ROBO2: variants seen among roughly 807,000 people sequenced by gnomAD.
ROBO2 encodes the protein roundabout guidance receptor 2.
In ROBO2, 53 loss-of-function variants were observed where a neutral mutation model predicts 160.8. That is an observed-to-expected ratio of 0.33 (90% CI 0.26 to 0.41). The LOEUF (loss-of-function observed/expected upper bound fraction) is 0.41, where lower values mean the gene tolerates loss of function less well. Among genes scored for constraint, ROBO2 ranks in the 10% least tolerant of loss-of-function variants. The pLI, the probability that ROBO2 is intolerant of heterozygous loss-of-function variation, is 1.00. For synonymous variants in ROBO2, 664 were observed against 611.7 expected (o/e 1.09, Z -1.26); for missense variants, 1,577 against 1,722.4 (o/e 0.92, Z 1.49).
intron 2 of ROBO2, among the ~76,000 whole-genome samples, chr3:76,500,509 A>G (rs552168371): frequency 9.9e-5 from 15 of 152,206 alleles, no homozygotes; most frequent in Non-Finnish European, 1.6e-4. Context: ...CCCTAGGACC[A>G]ACAGCAAGTG....
At chr3:75,959,060 A>C (rs867116705) in intron 2 of ROBO2, among the ~76,000 whole-genome samples, 4 of 151,898 alleles carry the variant, frequency 2.6e-5, no homozygotes, top group Admixed American at 1.3e-4. Context: ...TTTACTTTTA[A>C]ACTTCAAAAT....
intron 2 of ROBO2, among the ~76,000 whole-genome samples, chr3:76,426,428 CA>C (rs1254471228): frequency 1.3e-5 from 2 of 152,030 alleles, no homozygotes; most frequent in Admixed American, 1.3e-4. Context: ...GGAAAGAATA[CA>C]AAAATGATCA....
At chr3:76,196,381 C>T (rs1419236128) in intron 2 of ROBO2, among the ~76,000 whole-genome samples, 1 of 151,966 alleles carries the variant, frequency 6.6e-6, no homozygotes, top group African/African-American at 2.4e-5. Flanking sequence ...TCAGCTGTAC[C>T]TTGGATGAGT....
chr3:76,971,833 C>G (rs2059586568), intron 2 of ROBO2, among the ~76,000 whole-genome samples: 1 of 152,184 alleles, frequency 6.6e-6, no homozygotes. Context: ...TGGTTCTATA[C>G]TAGACCCATT....
At chr3:77,389,222 G>A (rs1156924423) in intron 2 of ROBO2, among the ~76,000 whole-genome samples, 2 of 152,178 alleles carry the variant, frequency 1.3e-5, no homozygotes, top group East Asian at 1.9e-4. Flanking sequence ...GGGATTACAC[G>A]TGTGAGCCAC....
At chr3:76,996,745 T>G (rs574123245) in intron 2 of ROBO2, among the ~76,000 whole-genome samples, 1 of 152,156 alleles carries the variant, frequency 6.6e-6, no homozygotes, top group Non-Finnish European at 1.5e-5. Flanking sequence ...TAAACTATGG[T>G]GGATTTTGAA....
intron 2 of ROBO2, among the ~76,000 whole-genome samples, chr3:77,444,021 T>G (rs967227217): frequency 1.3e-5 from 2 of 152,324 alleles, no homozygotes; most frequent in Non-Finnish European, 2.9e-5. Flanking sequence ...GCCTTACTTC[T>G]TCTCTTCCTG....
chr3:76,266,775 C>T (rs1707124946), intron 2 of ROBO2, among the ~76,000 whole-genome samples: 1 of 152,048 alleles, frequency 6.6e-6, no homozygotes. Flanking sequence ...TTCTGTTTTT[C>T]TACCAAACTT....
chr3:75,924,948 A>T (rs535257025), intron 1 of ROBO2, among the ~76,000 whole-genome samples: 1 of 150,546 alleles, frequency 6.6e-6, no homozygotes, highest in South Asian at 2.2e-4. Context: ...TCGGCCTCCC[A>T]AAGTGCTGGG....
At position 77,546,529 on chromosome 3, in the gene ROBO2, G is replaced by T; in HGVS notation, c.1059+67G>T. ...TCTACTGTCTCTGCTGCTCCTGAAA[G>T]CTTGCCTTGCTTCTCTTGTTCTCAA... On this transcript the variant is annotated intron_variant, in intron 7 of 25. Transcript: ENST00000461745. 4.4e-6 allele frequency: 7 copies of T among 1,575,192 alleles called. No individual in the cohort carries two copies. The Admixed American group carries it at 5.0e-5, about 11-fold the overall frequency.
intron 2 of ROBO2, among the ~76,000 whole-genome samples, chr3:76,101,306 G>A (rs1474882975): frequency 6.6e-6 from 1 of 152,072 alleles, no homozygotes; most frequent in Non-Finnish European, 1.5e-5. Context: ...TTTCCATCTT[G>A]CAACACTATA....
intron 2 of ROBO2, among the ~76,000 whole-genome samples, chr3:77,132,503 A>G (rs2150360921): frequency 6.6e-6 from 1 of 152,216 alleles, no homozygotes; most frequent in Admixed American, 6.5e-5. Context: ...AAGCAATATT[A>G]TTTATACCAC....
intron 2 of ROBO2, among the ~76,000 whole-genome samples, chr3:76,334,336 A>C (rs1173356240): frequency 2.0e-5 from 3 of 152,108 alleles, no homozygotes; most frequent in Non-Finnish European, 2.9e-5. Context: ...CCACCTCCAG[A>C]AATGCTTGGG....
chr3:77,474,885 T>C (rs2083806021), intron 2 of ROBO2, among the ~76,000 whole-genome samples: 1 of 152,194 alleles, frequency 6.6e-6, no homozygotes, highest in Non-Finnish European at 1.5e-5. Flanking sequence ...ATAGATATTA[T>C]TTTATTTTAC....
chr3:77,294,413 G>T (rs2061766669), intron 2 of ROBO2, among the ~76,000 whole-genome samples: 1 of 135,046 alleles, frequency 7.4e-6, no homozygotes, highest in Non-Finnish European at 1.6e-5. Context: ...TAAAATTAAT[G>T]GTAAAACGGG....
chr3:77,363,680 T>G (rs554786111), intron 2 of ROBO2, among the ~76,000 whole-genome samples: 11 of 152,294 alleles, frequency 7.2e-5, no homozygotes, highest in Admixed American at 2.6e-4. Context: ...TCCAGACACT[T>G]CTTGGTCTCT....
chr3:77,236,761 T>C (rs2088050733), intron 2 of ROBO2, among the ~76,000 whole-genome samples: 1 of 152,244 alleles, frequency 6.6e-6, no homozygotes, highest in African/African-American at 2.4e-5. Context: ...TCCATAGTTT[T>C]ATCTTTTCCA....
chr3:77,581,590 C>A (rs1483929660), intron 16 of ROBO2, among the ~76,000 whole-genome samples: 2 of 152,014 alleles, frequency 1.3e-5, no homozygotes, highest in East Asian at 3.9e-4. Context: ...CTTTTTGTTT[C>A]TGATTTCTAC....
chr3:76,841,706 A>G lies in ROBO2; in HGVS notation c.110-256308A>G, dbSNP rs1025114663. On this transcript the variant is annotated intron_variant, in intron 2 of 26. Transcript: ENST00000487694. ...TTGTTCATGCCACCTAATTGAAAAA[A>G]TATGAGAAAAAAGAGGAAGATTTAT... 3.3e-5 allele frequency among the ~76,000 whole-genome samples: 5 copies of G among 152,236 alleles called. No homozygotes were observed. The East Asian group carries it at 5.8e-4, about 18-fold the overall frequency.
Sources: allele counts gnomAD v4.1 joint callset (sites outside exome capture counted in the v4.1 genomes callset), GRCh38; gene constraint gnomAD v4.1.1; transcripts MANE v1.5; gene names NCBI Gene and HGNC (gene_info 2026-07-23, HGNC 2026-07-21).